RBFOX1: variants seen among roughly 807,000 people sequenced by gnomAD.
RBFOX1 encodes the protein RNA binding protein fox-1 homolog 1.
RBFOX1 carries 8 observed loss-of-function variants against 57.7 expected under a neutral mutation model. The observed-to-expected ratio is 0.14, with a 90% CI of 0.08 to 0.25. RBFOX1 has a LOEUF of 0.25. Among genes scored for constraint, RBFOX1 ranks in the 10% least tolerant of loss-of-function variants. The pLI, the probability that RBFOX1 is intolerant of heterozygous loss-of-function variation, is 1.00. For synonymous variants in RBFOX1, 326 were observed against 222.4 expected (o/e 1.47, Z -4.15); for missense variants, 611 against 548.5 (o/e 1.11, Z -1.14).
Position 7,428,980 on chromosome 16 carries a change from T to C in RBFOX1, c.28-89167T>C, listed in dbSNP as rs144935502. ...GCGCTCTGCAAAGAAAAAAAGTGTA[T>C]CAACAGACAGGAGGATTTCTATTGT... On this transcript the variant is annotated intron_variant, in intron 4 of 15. Coordinates refer to ENST00000550418, the MANE Select transcript of RBFOX1 (RefSeq NM_018723.4). Among the ~76,000 whole-genome samples the C allele has an allele frequency of 5.3e-3, 801 of 152,130 alleles. 7 individuals carry two copies. Among genetic ancestry groups the C allele is most frequent in the African/African-American group, 0.018 (763 of 41,530 alleles).
intron 4 of RBFOX1, among the ~76,000 whole-genome samples, chr16:5,929,669 G>T (rs2059008665): frequency 6.6e-6 from 1 of 152,126 alleles, no homozygotes; most frequent in Non-Finnish European, 1.5e-5. Flanking sequence ...TGTAGACTTT[G>T]GTGTCAGATT....
chr16:6,898,402 C>G (rs529034050), intron 3 of RBFOX1, among the ~76,000 whole-genome samples: 1 of 152,170 alleles, frequency 6.6e-6, no homozygotes, highest in South Asian at 2.1e-4. Flanking sequence ...ACCCCAGCCC[C>G]TGACATTTCA....
Position 6,553,365 on chromosome 16 carries a change from G to A in RBFOX1, c.-63-101238G>A, listed in dbSNP as rs183540909. ...AAATGCTGGGGATAATGTGTGGAGTGTATAGGACTATTCAGTGAACGTCTA... is the reference window on the plus strand; with the variant it reads ...AAATGCTGGGGATAATGTGTGGAGTATATAGGACTATTCAGTGAACGTCTA... On this transcript the variant is annotated intron_variant, in intron 2 of 15. Coordinates refer to ENST00000550418, the MANE Select transcript of RBFOX1 (RefSeq NM_018723.4). 2.2e-3 allele frequency among the ~76,000 whole-genome samples: 337 copies of A among 152,322 alleles called. 2 individuals are homozygous for A. The highest frequency in any genetic ancestry group is 9.0e-4 in the Non-Finnish European group (61 of 68,034).
chr16:6,024,391 G>A (rs1019921292), intron 1 of RBFOX1, among the ~76,000 whole-genome samples: 1 of 152,136 alleles, frequency 6.6e-6, no homozygotes, highest in Non-Finnish European at 1.5e-5. Flanking sequence ...GACTTGGGGG[G>A]ACATTCCAGA....
chr16:6,599,328 C>T (rs1461549959), intron 2 of RBFOX1, among the ~76,000 whole-genome samples: 3 of 152,134 alleles, frequency 2.0e-5, no homozygotes, highest in East Asian at 1.9e-4. Context: ...GCCAGGGGTC[C>T]TCTAATGGTT....
chr16:6,994,515 G>A (rs1305512933), intron 3 of RBFOX1, among the ~76,000 whole-genome samples: 2 of 152,110 alleles, frequency 1.3e-5, no homozygotes, highest in African/African-American at 4.8e-5. Flanking sequence ...ACAAGTGACC[G>A]ATTTTCTTGC....
At chr16:6,017,792 T>C (rs931415888), upstream of RBFOX1, among the ~76,000 whole-genome samples, 1 of 152,222 alleles carries the variant, frequency 6.6e-6, no homozygotes, top group African/African-American at 2.4e-5. Flanking sequence ...AATCTGCTCC[T>C]TGATGGGCGC....
intron 2 of RBFOX1, among the ~76,000 whole-genome samples, chr16:6,360,038 A>G (rs955895863): frequency 3.3e-5 from 5 of 152,198 alleles, no homozygotes; most frequent in African/African-American, 1.2e-4. Flanking sequence ...TATTTTCAAT[A>G]TGCTGGTTGT....
intron 1 of RBFOX1, among the ~76,000 whole-genome samples, chr16:6,096,292 T>C (rs1330141675): frequency 1.3e-5 from 2 of 152,184 alleles, no homozygotes; most frequent in East Asian, 1.9e-4. Flanking sequence ...GAAACGAAGA[T>C]GAAATTTTCA....
intron 4 of RBFOX1, among the ~76,000 whole-genome samples, chr16:7,209,706 C>T (rs2090735905): frequency 6.6e-6 from 1 of 152,196 alleles, no homozygotes; most frequent in Non-Finnish European, 1.5e-5. Context: ...TCCCTATATG[C>T]CTCCCTTCAC....
intron 1 of RBFOX1, among the ~76,000 whole-genome samples, chr16:5,313,225 T>A (rs2064139649): frequency 6.6e-6 from 1 of 152,192 alleles, no homozygotes; most frequent in Non-Finnish European, 1.5e-5. Flanking sequence ...TTGCTCCATT[T>A]GCTGCAACCC....
chr16:5,830,678 C>T (rs1028263148), intron 3 of RBFOX1, among the ~76,000 whole-genome samples: 1 of 152,198 alleles, frequency 6.6e-6, no homozygotes, highest in African/African-American at 2.4e-5. Flanking sequence ...CAAATCATGT[C>T]AGTGTGTCCT....
chr16:5,349,854 C>T (rs1001796080), intron 1 of RBFOX1, among the ~76,000 whole-genome samples: 1 of 152,200 alleles, frequency 6.6e-6, no homozygotes, highest in Non-Finnish European at 1.5e-5. Flanking sequence ...AGGAAGCAGC[C>T]CTGCTGAGCA....
At chr16:6,453,171 G>A (rs992286625) in intron 2 of RBFOX1, among the ~76,000 whole-genome samples, 2 of 151,758 alleles carry the variant, frequency 1.3e-5, no homozygotes, top group African/African-American at 2.4e-5. Flanking sequence ...GTGCAAGTTC[G>A]TTACATAGGT....
intron 1 of RBFOX1, among the ~76,000 whole-genome samples, chr16:5,430,164 C>G (rs2067685835): frequency 6.6e-6 from 1 of 152,150 alleles, no homozygotes; most frequent in Non-Finnish European, 1.5e-5. Flanking sequence ...AAGTCCCTCT[C>G]TTCATGGACG....
intron 4 of RBFOX1, among the ~76,000 whole-genome samples, chr16:7,482,409 T>A (rs568797802): frequency 1.1e-4 from 16 of 152,326 alleles, no homozygotes; most frequent in Admixed American, 4.6e-4. Flanking sequence ...CAGGGCCAGC[T>A]GTAGCCTTAT....
chr16:6,369,065 C>G (rs2090071584), intron 2 of RBFOX1, among the ~76,000 whole-genome samples: 1 of 151,962 alleles, frequency 6.6e-6, no homozygotes, highest in Non-Finnish European at 1.5e-5. Context: ...TAGTATATTT[C>G]TTAGGGATAT....
At chr16:7,259,703 C>T (rs996200900) in intron 4 of RBFOX1, among the ~76,000 whole-genome samples, 1 of 152,126 alleles carries the variant, frequency 6.6e-6, no homozygotes, top group Non-Finnish European at 1.5e-5. Flanking sequence ...GATGTTTATA[C>T]ATCACTCACT....
At chr16:6,782,917 A>T (rs924022670) in intron 3 of RBFOX1, among the ~76,000 whole-genome samples, 5 of 152,132 alleles carry the variant, frequency 3.3e-5, no homozygotes, top group Admixed American at 2.0e-4. Context: ...GTGATCCAGC[A>T]TTAGGTTTAT....
Sources: gnomAD v4.1 joint callset for allele counts (sites outside exome capture counted in the v4.1 genomes callset) on GRCh38, gnomAD v4.1.1 for gene constraint, MANE v1.5 for transcripts, NCBI Gene and HGNC (gene_info 2026-07-23, HGNC 2026-07-21) for gene names.